Variants in GRIK2 observed in about 807,000 individuals in gnomAD.
The protein encoded by GRIK2 is glutamate receptor ionotropic, kainate 2.
In GRIK2, 32 loss-of-function variants were observed where a neutral mutation model predicts 100.3. The ratio of observed to expected loss-of-function variants is 0.32; its 90% CI spans 0.24 to 0.43. The LOEUF (loss-of-function observed/expected upper bound fraction) is 0.43. Ranked by LOEUF, GRIK2 falls within the 20% of genes least tolerant of loss-of-function variation. GRIK2 has a pLI of 1.00. For missense variants in GRIK2, 843 were observed against 1,114.9 expected (o/e 0.76, Z 3.47); for synonymous variants, 417 against 389.4 (o/e 1.07, Z -0.83).
At chr6:101,495,165 CTATT>C (rs1334322278) in intron 2 of GRIK2, among the ~76,000 whole-genome samples, 23 of 151,856 alleles carry the variant, frequency 1.5e-4, no homozygotes, top group African/African-American at 4.8e-5. Flanking sequence ...ATCTACAAAT[CTATT>C]TATCTAAATT....
At chr6:101,753,231 C>T (rs1311055864) in intron 7 of GRIK2, among the ~76,000 whole-genome samples, 1 of 145,236 alleles carries the variant, frequency 6.9e-6, no homozygotes, top group Non-Finnish European at 1.5e-5. Context: ...TGCAGTAAGC[C>T]GAGATCTTGC....
intron 14 of GRIK2, among the ~76,000 whole-genome samples, chr6:102,027,260 T>C (rs553676490): frequency 6.6e-6 from 1 of 151,416 alleles, no homozygotes; most frequent in African/African-American, 2.4e-5. Context: ...ATTGTTAATT[T>C]TAAAAAGTCA....
intron 2 of GRIK2, among the ~76,000 whole-genome samples, chr6:101,548,454 G>A (rs988449443): frequency 1.3e-5 from 2 of 152,116 alleles, no homozygotes; most frequent in African/African-American, 4.8e-5. Flanking sequence ...ATGGTTTTAG[G>A]TCTAACGTTT....
At chr6:101,791,644 G>T (rs1174457443) in intron 7 of GRIK2, among the ~76,000 whole-genome samples, 1 of 151,962 alleles carries the variant, frequency 6.6e-6, no homozygotes, top group African/African-American at 2.4e-5. Context: ...GGTCAATTTT[G>T]GAATAGGTGT....
At chr6:101,795,454 C>T (rs149498451) in intron 7 of GRIK2, among the ~76,000 whole-genome samples, 1 of 152,256 alleles carries the variant, frequency 6.6e-6, no homozygotes, top group East Asian at 1.9e-4. Flanking sequence ...CTTTAGGCTC[C>T]TGTGTGGCAT....
chr6:101,393,833 T>C lies in GRIK2; in HGVS notation c.-298T>C, dbSNP rs1263391539. Among the ~76,000 whole-genome samples, 5 of 140,938 alleles carry C rather than the reference T, an allele frequency of 3.5e-5. No homozygotes were observed. Among genetic ancestry groups the C allele is most frequent in the Non-Finnish European group, 7.8e-5 (5 of 64,206 alleles). 92.5% of individuals were successfully genotyped at this position (140,938 alleles called of 152,430 possible). The stretch of plus-strand genomic sequence containing the variant: ...CCTCCCCGCCCACCTCACCCCTAGC[T>C]CCAGGTAAGGACTCCCCGGCTGTGG... On this transcript the variant is annotated 5_prime_UTR_variant, in exon 1 of 17. Transcript: ENST00000369134.
At position 101,478,100 on chromosome 6, in the gene GRIK2, G is replaced by A. The variant is rs1237687024; in HGVS notation, c.115+78708G>A. Among the ~76,000 whole-genome samples, 4 of 152,194 alleles carry A rather than the reference G, an allele frequency of 2.6e-5. No homozygotes were observed. In the East Asian group the frequency reaches 5.8e-4, roughly 22 times the overall value. ...TACCAAAAAGTACATTTTTGAATAA[G>A]AGTATATAATGTTAATGGAATTTAT... is the stretch of plus-strand genomic sequence containing the variant. On this transcript the variant is annotated intron_variant, in intron 2 of 16. Transcript: ENST00000369134.
At chr6:101,521,080 A>G (rs1285816665) in intron 2 of GRIK2, among the ~76,000 whole-genome samples, 2 of 152,112 alleles carry the variant, frequency 1.3e-5, no homozygotes, top group Non-Finnish European at 2.9e-5. Context: ...TATGTATATG[A>G]GTTTTCAAAA....
At position 101,451,696 on chromosome 6, in the gene GRIK2, G is replaced by GGA. The variant is rs937325177; in HGVS notation, c.115+52305_115+52306insAG. ...CTGAGAGCCCATTATTTATCTCTGA[G>GGA]GGGGGGGGGGGTGCCAAATACCTCC... On this transcript the variant is annotated intron_variant, in intron 2 of 16. Coordinates refer to ENST00000369134, the MANE Select transcript of GRIK2 (RefSeq NM_021956.5). Among the ~76,000 whole-genome samples, 50 of 13,138 alleles carry GGA rather than the reference G, an allele frequency of 3.8e-3. 1 individual carries two copies. Among genetic ancestry groups the GGA allele is most frequent in the Admixed American group, 0.032 (43 of 1,354 alleles). The allele number at this position is 13,138 out of a possible 152,430, so 8.6% of individuals were successfully genotyped here.
At chr6:101,626,667 T>C (rs1414141317) in intron 4 of GRIK2, 30 bp downstream of exon 4, 4 of 1,581,026 alleles carry the variant, frequency 2.5e-6, no homozygotes, top group Middle Eastern at 1.7e-4. Flanking sequence ...TTTGGAGCTA[T>C]GCTTTAAATA....
intron 14 of GRIK2, among the ~76,000 whole-genome samples, chr6:101,959,331 T>G (rs1345314345): frequency 6.6e-6 from 1 of 152,036 alleles, no homozygotes; most frequent in Non-Finnish European, 1.5e-5. Flanking sequence ...CTTGTTACAG[T>G]CTTAGGAGAA....
chr6:101,651,256 C>G (rs1345009316), intron 4 of GRIK2, among the ~76,000 whole-genome samples: 1 of 152,094 alleles, frequency 6.6e-6, no homozygotes, highest in Non-Finnish European at 1.5e-5. Flanking sequence ...CTGGTACTGG[C>G]AGATATTCTT....
chr6:101,912,495 G>A (rs555459164), intron 12 of GRIK2, among the ~76,000 whole-genome samples: 1 of 151,448 alleles, frequency 6.6e-6, no homozygotes, highest in African/African-American at 2.4e-5. Flanking sequence ...TGGGAAAGCC[G>A]GGCTTGAAAA....
In GRIK2 at chr6:101,566,118, G is replaced by A. The variant is rs369317467; in HGVS notation, c.116-55831G>A. Among the ~76,000 whole-genome samples, 20 of 151,714 alleles carry A rather than the reference G, an allele frequency of 1.3e-4. No individual in the cohort carries two copies. In the South Asian group the frequency reaches 4.0e-3, roughly 30 times the overall value. ...AGGAAGAGGAGGGGTTGGTCTTGCTGTCTCAGGGGTGACAGAGGTGAAAGA... is the reference window on the plus strand; with the variant it reads ...AGGAAGAGGAGGGGTTGGTCTTGCTATCTCAGGGGTGACAGAGGTGAAAGA... On this transcript the variant is annotated intron_variant, in intron 2 of 16. Coordinates refer to ENST00000369134, the MANE Select transcript of GRIK2 (RefSeq NM_021956.5).
chr6:101,805,127 G>T (rs567378681), intron 9 of GRIK2, among the ~76,000 whole-genome samples: 56 of 151,798 alleles, frequency 3.7e-4, no homozygotes, highest in Admixed American at 9.2e-4. Flanking sequence ...CTTTTTTTCT[G>T]CCTAGAAAGT....
chr6:101,968,572 A>G (rs1339790141), intron 14 of GRIK2, among the ~76,000 whole-genome samples: 1 of 151,980 alleles, frequency 6.6e-6, no homozygotes, highest in Non-Finnish European at 1.5e-5. Flanking sequence ...ATATGAAACA[A>G]TCATTTTAAT....
intron 16 of GRIK2, among the ~76,000 whole-genome samples, chr6:102,067,414 T>C (rs1021646142): frequency 2.0e-5 from 3 of 151,724 alleles, no homozygotes; most frequent in Non-Finnish European, 3.0e-5. Flanking sequence ...ATTTTCATCA[T>C]GTTGTCTTAG....
intron 15 of GRIK2, among the ~76,000 whole-genome samples, chr6:102,050,010 CA>C (rs1771087292): frequency 6.6e-6 from 1 of 151,964 alleles, no homozygotes; most frequent in Admixed American, 6.6e-5. Context: ...AAGCCTCCCT[CA>C]GAATTAAAAG....
intron 14 of GRIK2, among the ~76,000 whole-genome samples, chr6:102,021,999 T>C (rs1453031008): frequency 6.6e-6 from 1 of 150,626 alleles, no homozygotes; most frequent in Non-Finnish European, 1.5e-5. Flanking sequence ...AAATTTTATT[T>C]TTAGAAGGGT....
Sources: gnomAD v4.1 joint callset for allele counts (sites outside exome capture counted in the v4.1 genomes callset) on GRCh38, gnomAD v4.1.1 for gene constraint, MANE v1.5 for transcripts, NCBI Gene and HGNC (gene_info 2026-07-23, HGNC 2026-07-21) for gene names.